Variants in CHST11 observed in about 807,000 individuals in gnomAD.
CHST11 encodes carbohydrate sulfotransferase 11, also known as C4S-1.
Under a neutral mutation model 30.4 loss-of-function variants are expected in CHST11, and 9 were observed. The observed-to-expected ratio is 0.30, with a 90% CI of 0.18 to 0.52. CHST11 has a LOEUF of 0.52. Among genes scored for constraint, CHST11 ranks in the 20% least tolerant of loss-of-function variants. The probability of loss-of-function intolerance (pLI) is 0.97; values close to 1 mark genes in which losing one functional copy is unlikely to be tolerated. For synonymous variants in CHST11, 152 were observed against 187.8 expected (o/e 0.81, Z 1.56); for missense variants, 348 against 460.6 (o/e 0.76, Z 2.24).
intron 2 of CHST11, among the ~76,000 whole-genome samples, chr12:104,694,355 T>A (rs2039925051): frequency 6.6e-6 from 1 of 152,226 alleles, no homozygotes; most frequent in African/African-American, 2.4e-5. Context: ...GGGCTGCTGT[T>A]AGCTGCCTTC....
intron 1 of CHST11, among the ~76,000 whole-genome samples, chr12:104,526,186 G>A (rs1423153730): frequency 2.0e-5 from 3 of 150,752 alleles, no homozygotes; most frequent in African/African-American, 7.4e-5. Context: ...AGTGTTGTGG[G>A]AATTATTTTC....
At chr12:104,519,717 TG>T (rs2038058118) in intron 1 of CHST11, among the ~76,000 whole-genome samples, 1 of 152,214 alleles carries the variant, frequency 6.6e-6, no homozygotes, top group East Asian at 1.9e-4. Flanking sequence ...ACCAGCATTT[TG>T]CATGATAGCC....
At position 104,596,778 on chromosome 12, in the gene CHST11, G is replaced by A. The variant is rs186793763; in HGVS notation, c.119-5128G>A. ...CAGATACATGGTACATTCTCGCTAC[G>A]TGGTAGTTTATTTTGTGAGATATGA... On this transcript the variant is annotated intron_variant, in intron 1 of 2. Transcript: ENST00000303694. Among the ~76,000 whole-genome samples, 8 of 152,306 alleles carry A rather than the reference G, an allele frequency of 5.3e-5. No individual in the cohort carries two copies. In the East Asian group the frequency reaches 1.3e-3, roughly 26 times the overall value.
intron 2 of CHST11, among the ~76,000 whole-genome samples, chr12:104,732,604 G>C (rs541359544): frequency 1.3e-5 from 2 of 152,294 alleles, no homozygotes; most frequent in African/African-American, 4.8e-5. Flanking sequence ...TGCCTGTCAT[G>C]CACAGCACTA....
intron 2 of CHST11, among the ~76,000 whole-genome samples, chr12:104,641,427 G>A (rs1368578979): frequency 6.6e-6 from 1 of 152,094 alleles, no homozygotes; most frequent in South Asian, 2.1e-4. Context: ...TACAGAGTTC[G>A]CTCTTGCTGG....
chr12:104,576,746 A>G (rs773521788), intron 1 of CHST11, among the ~76,000 whole-genome samples: 1 of 152,188 alleles, frequency 6.6e-6, no homozygotes, highest in Non-Finnish European at 1.5e-5. Context: ...GAATGTGTTT[A>G]AAAGGGCAGA....
intron 2 of CHST11, among the ~76,000 whole-genome samples, chr12:104,612,068 T>C (rs11112132): frequency 0.22 from 32,964 of 152,228 alleles, 3,610 homozygotes; most frequent in Non-Finnish European, 0.24. Flanking sequence ...CCTTCTTCTG[T>C]AGTGTGCGGC....
chr12:104,664,689 G>T (rs574738191), intron 2 of CHST11, among the ~76,000 whole-genome samples: 1 of 152,224 alleles, frequency 6.6e-6, no homozygotes, highest in African/African-American at 2.4e-5. Flanking sequence ...TTCCAGGGAA[G>T]TGGGGTTATT....
chr12:104,510,795 GTGTA>G (rs2037957453), intron 1 of CHST11, among the ~76,000 whole-genome samples: 1 of 151,542 alleles, frequency 6.6e-6, no homozygotes, highest in Non-Finnish European at 1.5e-5. Context: ...ATTCTTGTAA[GTGTA>G]TGTGAGTTTC....
At chr12:104,646,792 G>A (rs7298251) in intron 2 of CHST11, among the ~76,000 whole-genome samples, 3,753 of 152,290 alleles carry the variant, frequency 0.025, 162 homozygotes, top group African/African-American at 0.084. Flanking sequence ...CAGGCTCAGC[G>A]CTGAATCATC....
At chr12:104,746,673 A>G (rs1352275214) in intron 2 of CHST11, among the ~76,000 whole-genome samples, 2 of 152,196 alleles carry the variant, frequency 1.3e-5, no homozygotes, top group African/African-American at 4.8e-5. Flanking sequence ...CCTAGTGACA[A>G]GTTACAATCC....
chr12:104,707,803 C>G (rs2040049419), intron 2 of CHST11, among the ~76,000 whole-genome samples: 1 of 152,206 alleles, frequency 6.6e-6, no homozygotes, highest in African/African-American at 2.4e-5. Context: ...AACGAGGACA[C>G]ATAGACACAT....
At chr12:104,551,243 G>A (rs2038401526) in intron 1 of CHST11, among the ~76,000 whole-genome samples, 1 of 152,176 alleles carries the variant, frequency 6.6e-6, no homozygotes, top group Non-Finnish European at 1.5e-5. Flanking sequence ...GCAACTGCAT[G>A]TTGCCTCAAT....
intron 2 of CHST11, among the ~76,000 whole-genome samples, chr12:104,677,919 C>G (rs2136100097): frequency 6.6e-6 from 1 of 152,320 alleles, no homozygotes; most frequent in East Asian, 1.9e-4. Flanking sequence ...AAAGGACTTG[C>G]ATATTTGCTG....
At chr12:104,732,111 A>T (rs1434100648) in intron 2 of CHST11, among the ~76,000 whole-genome samples, 1 of 152,244 alleles carries the variant, frequency 6.6e-6, no homozygotes, top group Non-Finnish European at 1.5e-5. Flanking sequence ...GGTCAGTTTT[A>T]TTTGGGTACA....
At chr12:104,556,277 G>A (rs1757847054) in intron 1 of CHST11, among the ~76,000 whole-genome samples, 2 of 152,150 alleles carry the variant, frequency 1.3e-5, no homozygotes, top group Non-Finnish European at 2.9e-5. Flanking sequence ...CTTATTCTAG[G>A]TGGTTCAGCT....
chr12:104,591,909 A>T, intron 1 of CHST11, among the ~76,000 whole-genome samples: 1 of 152,120 alleles, frequency 6.6e-6, no homozygotes. Context: ...TGTAAATCAC[A>T]TGCAAAAAGA....
chr12:104,652,897 T>A (rs762742083), intron 2 of CHST11, among the ~76,000 whole-genome samples: 11 of 152,200 alleles, frequency 7.2e-5, no homozygotes, highest in Non-Finnish European at 1.2e-4. Context: ...ACACGCTCCC[T>A]ACACACTCCC....
At chr12:104,565,189 A>G (rs995219960) in intron 1 of CHST11, among the ~76,000 whole-genome samples, 1 of 150,486 alleles carries the variant, frequency 6.6e-6, no homozygotes, top group Non-Finnish European at 1.5e-5. Context: ...AACCAGCTGT[A>G]TCTACCTCTG....
Sources: gnomAD v4.1 joint callset for allele counts (sites outside exome capture counted in the v4.1 genomes callset) on GRCh38, gnomAD v4.1.1 for gene constraint, MANE v1.5 for transcripts, NCBI Gene and HGNC (gene_info 2026-07-23, HGNC 2026-07-21) for gene names.